The following RFX3 variants were observed in gnomAD, a reference collection of about 807,000 sequenced individuals.
The protein encoded by RFX3 is transcription factor RFX3.
A neutral mutation model predicts 98.6 loss-of-function variants in RFX3; 14 were observed. The observed-to-expected ratio is 0.14, with a 90% CI of 0.09 to 0.22. The LOEUF (loss-of-function observed/expected upper bound fraction) is 0.22. Among genes scored for constraint, RFX3 ranks in the 10% least tolerant of loss-of-function variants. RFX3 has a pLI of 1.00. For synonymous variants in RFX3, 383 were observed against 328.4 expected (o/e 1.17, Z -1.80); for missense variants, 639 against 926.9 (o/e 0.69, Z 4.03).
intron 15 of RFX3, among the ~76,000 whole-genome samples, chr9:3,231,068 TATCATTAACAA>T (rs1434168225): frequency 1.3e-5 from 2 of 152,190 alleles, no homozygotes; most frequent in Non-Finnish European, 2.9e-5. Flanking sequence ...TGATTGTTAT[TATCATTAACAA>T]AAATCCAGTT....
intron 2 of RFX3, among the ~76,000 whole-genome samples, chr9:3,375,687 A>G (rs997282789): frequency 1.3e-5 from 2 of 152,326 alleles, no homozygotes; most frequent in East Asian, 3.9e-4. Context: ...TTAGCCAGGC[A>G]TGGTGGCTCA....
At chr9:3,315,626 A>T (rs773000322) in intron 4 of RFX3, among the ~76,000 whole-genome samples, 1 of 152,208 alleles carries the variant, frequency 6.6e-6, no homozygotes, top group African/African-American at 2.4e-5. Context: ...ATAGACTGCT[A>T]GCAAGACTAA....
chr9:3,437,485 T>G (rs995015731), intron 1 of RFX3, among the ~76,000 whole-genome samples: 1 of 152,040 alleles, frequency 6.6e-6, no homozygotes, highest in African/African-American at 2.4e-5. Context: ...AAACTAGAGG[T>G]GCTTTAACAA....
chr9:3,433,849 G>A (rs1844874624), intron 1 of RFX3, among the ~76,000 whole-genome samples: 1 of 152,152 alleles, frequency 6.6e-6, no homozygotes, highest in Non-Finnish European at 1.5e-5. Context: ...CCCTGTCACA[G>A]CTACTCAAAT....
intron 2 of RFX3, among the ~76,000 whole-genome samples, chr9:3,349,093 C>G (rs1033542177): frequency 6.6e-6 from 1 of 151,958 alleles, no homozygotes; most frequent in African/African-American, 2.4e-5. Flanking sequence ...GATAAAAATA[C>G]ATATCATAAA....
chr9:3,380,764 A>G (rs1244396579), intron 2 of RFX3, among the ~76,000 whole-genome samples: 2 of 152,214 alleles, frequency 1.3e-5, no homozygotes, highest in Admixed American at 6.5e-5. Flanking sequence ...AACATTAACA[A>G]TATTTTCCAC....
At chr9:3,269,916 T>C (rs1188237665) in intron 11 of RFX3, among the ~76,000 whole-genome samples, 2 of 152,072 alleles carry the variant, frequency 1.3e-5, no homozygotes, top group African/African-American at 4.8e-5. Context: ...CAATTACAGA[T>C]TTCCATAATT....
chr9:3,427,790 C>T (rs1463926780), intron 1 of RFX3, among the ~76,000 whole-genome samples: 1 of 152,080 alleles, frequency 6.6e-6, no homozygotes, highest in Non-Finnish European at 1.5e-5. Context: ...CACAGTTTGA[C>T]TTGCCATATG....
At chr9:3,386,142 GA>G (rs1345525135) in intron 2 of RFX3, among the ~76,000 whole-genome samples, 3 of 152,100 alleles carry the variant, frequency 2.0e-5, no homozygotes, top group Non-Finnish European at 4.4e-5. Flanking sequence ...GACTAGTAAA[GA>G]AAATGAAAGC....
intron 3 of RFX3, among the ~76,000 whole-genome samples, chr9:3,333,503 G>A (rs1371581720): frequency 6.8e-6 from 1 of 146,678 alleles, no homozygotes. Flanking sequence ...TCTCATCACT[G>A]CTATATTTCC....
intron 4 of RFX3, among the ~76,000 whole-genome samples, chr9:3,323,643 T>C (rs926271165): frequency 1.3e-5 from 2 of 152,212 alleles, no homozygotes; most frequent in Non-Finnish European, 2.9e-5. Context: ...ACATAGAATC[T>C]AGCTTTTTCT....
intron 3 of RFX3, among the ~76,000 whole-genome samples, chr9:3,339,849 T>C (rs1833659095): frequency 6.6e-6 from 1 of 152,116 alleles, no homozygotes; most frequent in Non-Finnish European, 1.5e-5. Flanking sequence ...ATAGATTCAA[T>C]GCCATCACCA....
intron 3 of RFX3, among the ~76,000 whole-genome samples, chr9:3,335,205 C>T (rs1345440820): frequency 3.9e-5 from 6 of 152,094 alleles, no homozygotes; most frequent in East Asian, 1.9e-4. Context: ...CCCACTTGTT[C>T]GAGTCCCTGG....
At chr9:3,437,304 G>C (rs959104695) in intron 1 of RFX3, among the ~76,000 whole-genome samples, 3 of 152,042 alleles carry the variant, frequency 2.0e-5, no homozygotes, top group Non-Finnish European at 2.9e-5. Context: ...TCATTCGTCA[G>C]CTTACAAATC....
At chr9:3,254,903 G>T (rs1821909702) in intron 14 of RFX3, among the ~76,000 whole-genome samples, 1 of 152,068 alleles carries the variant, frequency 6.6e-6, no homozygotes, top group Non-Finnish European at 1.5e-5. Flanking sequence ...GCATACTAGT[G>T]GGTCACAGAG....
intron 2 of RFX3, among the ~76,000 whole-genome samples, chr9:3,366,886 C>T (rs1407432716): frequency 1.3e-5 from 2 of 151,910 alleles, no homozygotes; most frequent in East Asian, 1.9e-4. Flanking sequence ...GTAGTAGTTT[C>T]CCCATATCCT....
At chr9:3,317,964 C>G (rs766452070) in intron 4 of RFX3, among the ~76,000 whole-genome samples, 13 of 152,132 alleles carry the variant, frequency 8.5e-5, no homozygotes, top group Admixed American at 3.3e-4. Context: ...GACAGTGTGG[C>G]GATTCCTCAG....
intron 15 of RFX3, among the ~76,000 whole-genome samples, chr9:3,235,298 T>C (rs1818989153): frequency 6.6e-6 from 1 of 152,142 alleles, no homozygotes. Context: ...GATGACGGCT[T>C]TCAGCGTGGG....
At chr9:3,333,761 C>T (rs1374476034) in intron 3 of RFX3, among the ~76,000 whole-genome samples, 1 of 152,054 alleles carries the variant, frequency 6.6e-6, no homozygotes. Context: ...GGACATGGTG[C>T]CCCCTTTCCT....
Sources: gnomAD v4.1 joint callset for allele counts (sites outside exome capture counted in the v4.1 genomes callset) on GRCh38, gnomAD v4.1.1 for gene constraint, MANE v1.5 for transcripts, NCBI Gene and HGNC (gene_info 2026-07-23, HGNC 2026-07-21) for gene names.